The following MYO1D variants were observed in gnomAD, a reference collection of about 807,000 sequenced individuals.
MYO1D encodes the protein unconventional myosin-Id.
In MYO1D, 83 loss-of-function variants were observed where a neutral mutation model predicts 122.0. That is an observed-to-expected ratio of 0.68 (90% confidence interval 0.57 to 0.82). MYO1D has a LOEUF of 0.82. Among genes scored for constraint, MYO1D ranks in the 40% least tolerant of loss-of-function variants. The probability of loss-of-function intolerance (pLI) is 0.00; values close to 1 mark genes in which losing one functional copy is unlikely to be tolerated. For missense variants in MYO1D, 1,157 were observed against 1,269.5 expected (o/e 0.91, Z 1.35); for synonymous variants, 464 against 446.9 (o/e 1.04, Z -0.48).
chr17:32,768,913 C>T (rs1598082968), intron 6 of MYO1D, among the ~76,000 whole-genome samples: 1 of 152,176 alleles, frequency 6.6e-6, no homozygotes, highest in Non-Finnish European at 1.5e-5. Flanking sequence ...CTGTGGGGAA[C>T]TGTTGGCTGC....
At chr17:32,613,033 G>C (rs2087723143) in intron 20 of MYO1D, among the ~76,000 whole-genome samples, 1 of 152,130 alleles carries the variant, frequency 6.6e-6, no homozygotes, top group Non-Finnish European at 1.5e-5. Flanking sequence ...CTCCCAAAGT[G>C]CTGGGATTAC....
At chr17:32,761,959 G>T (rs2090006064) in intron 8 of MYO1D, among the ~76,000 whole-genome samples, 1 of 152,058 alleles carries the variant, frequency 6.6e-6, no homozygotes, top group African/African-American at 2.4e-5. Flanking sequence ...AAGAAACTTA[G>T]GGAATAGAGT....
intron 6 of MYO1D, among the ~76,000 whole-genome samples, chr17:32,768,492 C>G (rs776553045): frequency 6.6e-6 from 1 of 152,302 alleles, no homozygotes; most frequent in African/African-American, 2.4e-5. Context: ...GCCGCAGAGG[C>G]TTGACCAATT....
intron 14 of MYO1D, among the ~76,000 whole-genome samples, chr17:32,725,772 C>A (rs2089564333): frequency 6.6e-6 from 1 of 150,908 alleles, no homozygotes; most frequent in Non-Finnish European, 1.5e-5. Context: ...AGAGATTCTA[C>A]AAACTACAAG....
At chr17:32,729,826 G>A (rs990496297) in intron 14 of MYO1D, among the ~76,000 whole-genome samples, 3 of 152,124 alleles carry the variant, frequency 2.0e-5, no homozygotes, top group Non-Finnish European at 4.4e-5. Context: ...AAAGGTGAAT[G>A]GACGACAGCC....
intron 20 of MYO1D, among the ~76,000 whole-genome samples, chr17:32,610,867 C>T (rs936916021): frequency 7.9e-5 from 12 of 152,198 alleles, no homozygotes; most frequent in South Asian, 2.1e-4. Context: ...CACATAGATG[C>T]GTTTCTCCGA....
intron 1 of MYO1D, among the ~76,000 whole-genome samples, chr17:32,851,149 C>T (rs1156233276): frequency 1.3e-5 from 2 of 152,150 alleles, no homozygotes; most frequent in Non-Finnish European, 2.9e-5. Context: ...TAAACCTATT[C>T]ACTCTCACCT....
chr17:32,846,354 T>C (rs997375688), intron 1 of MYO1D, among the ~76,000 whole-genome samples: 1 of 152,234 alleles, frequency 6.6e-6, no homozygotes, highest in Non-Finnish European at 1.5e-5. Context: ...TTAATAGTTA[T>C]AGCTCATCAG....
chr17:32,508,546 G>T (rs1427659532), intron 21 of MYO1D, among the ~76,000 whole-genome samples: 5 of 152,186 alleles, frequency 3.3e-5, no homozygotes, highest in Non-Finnish European at 7.3e-5. Flanking sequence ...AAAGTACCAG[G>T]ATTACAGGTG....
chr17:32,855,455 T>G, intron 1 of MYO1D, among the ~76,000 whole-genome samples: 1 of 152,354 alleles, frequency 6.6e-6, no homozygotes, highest in South Asian at 2.1e-4. Flanking sequence ...TGGCTTCTTT[T>G]GCTCAATGTT....
intron 10 of MYO1D, among the ~76,000 whole-genome samples, chr17:32,758,689 T>C (rs1309946435): frequency 6.6e-6 from 1 of 152,088 alleles, no homozygotes; most frequent in Non-Finnish European, 1.5e-5. Context: ...CTTCTTAATG[T>C]GTGTTTAAAA....
chr17:32,539,996 A>G (rs1323530802), intron 21 of MYO1D, among the ~76,000 whole-genome samples: 2 of 152,200 alleles, frequency 1.3e-5, no homozygotes, highest in African/African-American at 4.8e-5. Context: ...GAAAATATAG[A>G]TAAACTGAAT....
chr17:32,721,672 A>G (rs2089513045), intron 14 of MYO1D, among the ~76,000 whole-genome samples: 1 of 152,214 alleles, frequency 6.6e-6, no homozygotes, highest in Non-Finnish European at 1.5e-5. Context: ...ATCATTATTA[A>G]TATTATTGCA....
intron 21 of MYO1D, among the ~76,000 whole-genome samples, chr17:32,551,376 G>C (rs1479136362): frequency 6.6e-6 from 1 of 152,180 alleles, no homozygotes; most frequent in African/African-American, 2.4e-5. Flanking sequence ...GAAAAGCTTA[G>C]GCTAACCGGC....
In MYO1D at chr17:32,876,797, T is replaced by C. The variant is rs746904768; in HGVS notation, c.76A>G (p.Met26Val). Residue 26 changes from methionine to valine, a missense_variant, in exon 1 of 22, where the codon ATG becomes GTG. Physicochemically the swap from Met to Val is conservative, Grantham distance 21. Transcript: ENST00000318217. Reference sequence around the variant, plus strand: ...CCTCACCTGAGCCTGAGGTTGGCCATGAACTCGGGCATGGAGACGGTGTCC... The same window carrying C: ...CCTCACCTGAGCCTGAGGTTGGCCACGAACTCGGGCATGGAGACGGTGTCC... ...LMDTVSMPEF[M>V]ANLRLRFEKG... 5 of 1,517,738 alleles carry C rather than the reference T, an allele frequency of 3.3e-6. No homozygotes were observed. The highest frequency in any genetic ancestry group is 3.5e-6 in the Non-Finnish European group (4 of 1,133,160). 94.0% of individuals were successfully genotyped at this position (1,517,738 alleles called of 1,614,324 possible).
intron 21 of MYO1D, among the ~76,000 whole-genome samples, chr17:32,560,675 A>T (rs1179749967): frequency 6.7e-6 from 1 of 149,420 alleles, no homozygotes; most frequent in Non-Finnish European, 1.5e-5. Context: ...CCTGGAGGGC[A>T]GTTGCAAAAT....
chr17:32,492,794 C>A lies in MYO1D; in HGVS notation c.*1965G>T, dbSNP rs1055992898. ...CCCCTCAGCGCCCGGGACACGTGAC[C>A]GAGATCATACCCTAAATTCCTGATC... On this transcript the variant is annotated 3_prime_UTR_variant, in exon 22 of 22. Transcript: ENST00000318217. 6.6e-6 allele frequency: 1 copy of A among 152,566 alleles called. No individual in the cohort carries two copies. Among genetic ancestry groups the A allele is most frequent in the African/African-American group, 2.4e-5 (1 of 41,430 alleles). The allele number at this position is 152,566 out of a possible 1,614,324, so 9.5% of individuals were successfully genotyped here.
chr17:32,704,832 TAG>T (rs1279668731), intron 16 of MYO1D, among the ~76,000 whole-genome samples: 1 of 152,164 alleles, frequency 6.6e-6, no homozygotes, highest in African/African-American at 2.4e-5. Context: ...AATAAATGTG[TAG>T]AGAGTAAAGA....
At chr17:32,524,768 G>T (rs1328858407) in intron 21 of MYO1D, among the ~76,000 whole-genome samples, 1 of 152,078 alleles carries the variant, frequency 6.6e-6, no homozygotes, top group Non-Finnish European at 1.5e-5. Flanking sequence ...TCACCATGTT[G>T]GTTAGGCTGG....
Sources: gnomAD v4.1 joint callset for allele counts (sites outside exome capture counted in the v4.1 genomes callset) on GRCh38, gnomAD v4.1.1 for gene constraint, MANE v1.5 for transcripts, NCBI Gene and HGNC (gene_info 2026-07-23, HGNC 2026-07-21) for gene names.